KMT2D: variants seen among roughly 807,000 people sequenced by gnomAD.
The protein encoded by KMT2D is lysine methyltransferase 2D.
Under a neutral mutation model 512.7 loss-of-function variants are expected in KMT2D, and 55 were observed. The observed-to-expected ratio is 0.11, with a 90% CI of 0.09 to 0.13. KMT2D has a LOEUF of 0.13. Ranked by LOEUF, KMT2D falls within the 10% of genes least tolerant of loss-of-function variation. The pLI, the probability that KMT2D is intolerant of heterozygous loss-of-function variation, is 1.00. For synonymous variants in KMT2D, 2,995 were observed against 2,904.0 expected, an observed-to-expected ratio of 1.03 and a Z score of -1.01; for missense variants, 6,061 against 7,127.9, an observed-to-expected ratio of 0.85 and a Z score of 5.39.
rs1176158301 is a variant in KMT2D at position 49,031,806 on chromosome 12, G to A, written c.12899C>T (p.Pro4300Leu). The change falls in exon 40 of 55, where the codon CCA (proline) becomes CTA (leucine). Residue 4300 changes from proline (P) to leucine (L), a missense_variant. Transcript: ENST00000301067. ...PAPPGALSTG[P>L]VLGPVHPTPP... ...TGTGGGATGGACAGGGCCAAGGACT[G>A]GTCCTGTAGATAAGGCTCCTGGTGG... The A allele has an allele frequency of 6.3e-7, 1 of 1,585,322 alleles. No homozygotes were observed. The highest frequency in any genetic ancestry group is 8.6e-7 in the Non-Finnish European group (1 of 1,164,262).
chr12:49,055,443 TC>T, intron 1 of KMT2D, 82 bp from the exon 2 acceptor site: 1 of 760,446 alleles, frequency 1.3e-6, no homozygotes, highest in Non-Finnish European at 2.2e-6. Flanking sequence ...GAAGAAGGCA[TC>T]CAGACCCTCC....
In KMT2D at chr12:49,038,318, C is replaced by G. The variant is rs2120494301; in HGVS notation, c.9038G>C (p.Gly3013Ala). 1.2e-6 allele frequency: 2 copies of G among 1,613,868 alleles called. No homozygotes were observed. The highest frequency in any genetic ancestry group is 8.5e-7 in the Non-Finnish European group (1 of 1,179,894). The change falls in exon 35 of 55, where the codon GGT becomes GCT. Residue 3013 changes from glycine to alanine, a missense_variant. By Grantham distance (60) the Gly-to-Ala change is moderately conservative (BLOSUM62 0). Around this residue, in one of 16 missense-constraint regions of KMT2D, gnomAD observed 527 missense variants for 578.9 expected, o/e 0.91. Coordinates refer to ENST00000301067, the MANE Select transcript of KMT2D (RefSeq NM_003482.4). The surrounding 1 kb of genome is among the most constrained non-coding windows in gnomAD (Gnocchi z 5.7). Reference protein sequence around the residue: ...LEDDEELAHLGLGVDVAKGDD... With the variant: ...LEDDEELAHLALGVDVAKGDD... ...ACCCTTGGCCACATCCACACCCAGACCCAGGTGAGCAAGCTCTTCATCATC... is the reference window on the plus strand; with the variant it reads ...ACCCTTGGCCACATCCACACCCAGAGCCAGGTGAGCAAGCTCTTCATCATC...
Position 49,019,225 on chromosome 12 carries a change from T to A in KMT2D, c.*2555A>T. 4 of 957,514 alleles carry A rather than the reference T, an allele frequency of 4.2e-6. No homozygotes were observed. Among genetic ancestry groups the A allele is most frequent in the Non-Finnish European group, 5.1e-6 (4 of 779,830 alleles). 59.3% of individuals were successfully genotyped at this position (957,514 alleles called of 1,614,324 possible). Reference sequence around the variant, plus strand: ...AGGATACACACAACACAAAATAAAGTCTTCACGGGATTCACACTTGTCAGC... The same window carrying A: ...AGGATACACACAACACAAAATAAAGACTTCACGGGATTCACACTTGTCAGC... On this transcript the variant is annotated 3_prime_UTR_variant, in exon 55 of 55. Coordinates refer to ENST00000301067, the MANE Select transcript of KMT2D (RefSeq NM_003482.4).
At chr12:49,037,027 C>T (rs1943253639) in intron 35 of KMT2D, 98 bp downstream of exon 35, 3 of 1,447,996 alleles carry the variant, frequency 2.1e-6, no homozygotes, top group Non-Finnish European at 1.8e-6. Context: ...TGTGTCCCAT[C>T]TTAAGTAGGG....
In KMT2D at chr12:49,031,939, G is replaced by A. The variant is rs1475371856; in HGVS notation, c.12766C>T (p.Leu4256Phe). Residue 4256 changes from leucine (L) to phenylalanine (F), a missense_variant, in exon 40 of 55, where the codon CTC becomes TTC. This residue lies in a region of KMT2D where 1,600 missense variants were observed against 1,754.9 expected (regional missense o/e 0.91). Transcript: ENST00000301067. ...PGTQTSPLQG[L>F]LGCQPQLGGF... ...CCAAGTTGAGGTTGGCAGCCCAGGA[G>A]GCCCTGGAGGGGAGAGGTCTGGGTC... 1.9e-6 allele frequency: 3 copies of A among 1,542,938 alleles called. No individual in the cohort carries two copies. The highest frequency in any genetic ancestry group is 1.7e-6 in the Non-Finnish European group (2 of 1,145,298).
chr12:49,029,328 T>A, intron 44 of KMT2D, 73 bp downstream of exon 44: 2 of 1,581,058 alleles, frequency 1.3e-6, no homozygotes, highest in Non-Finnish European at 1.7e-6. Context: ...GAAATCTCCA[T>A]TGGCCAAAGG....
rs772606122 is a variant in KMT2D, at chr12:49,031,192, T to C, written c.13513A>G (p.Thr4505Ala). 1.2e-6 allele frequency: 2 copies of C among 1,608,920 alleles called. No individual in the cohort carries two copies. Among genetic ancestry groups the C allele is most frequent in the East Asian group, 2.2e-5 (1 of 44,790 alleles). ...GTACTCACCTCCTTGTTGCTGGGGG[T>C]ACCCTGTAGTTTCTGCTCCAGCCCA... Reference protein sequence around the residue: ...LAGLEQKLQGTPSNKEDAAAR... With the variant: ...LAGLEQKLQGAPSNKEDAAAR... The change falls in exon 40 of 55, where the codon ACC becomes GCC. Residue 4505 changes from threonine to alanine, a missense_variant. Transcript: ENST00000301067.
rs587778460 is a variant in KMT2D at position 49,042,791 on chromosome 12, G to T, written c.5732C>A (p.Thr1911Asn). Reference sequence around the variant, plus strand: ...CGTACGGCTGCCTTCTAGGCCAGGGGTTCCACAACCCAGATGCTGTTCTCG... The same window carrying T: ...CGTACGGCTGCCTTCTAGGCCAGGGTTTCCACAACCCAGATGCTGTTCTCG... ...SEREQHLGCG[T>N]PGLEGSRTPL... The change falls in exon 27 of 55, where the codon ACC (threonine) becomes AAC (asparagine). Residue 1911 changes from threonine (T) to asparagine (N), a missense_variant. Around this residue, in one of 16 missense-constraint regions of KMT2D, gnomAD observed 640 missense variants for 814.3 expected, o/e 0.79. Transcript: ENST00000301067. This position sits in a 1 kb window ranked among gnomAD's most constrained non-coding sequence, Gnocchi z 4.4. The T allele has an allele frequency of 1.9e-6, 3 of 1,613,982 alleles. No individual in the cohort carries two copies. The highest frequency in any genetic ancestry group is 2.5e-6 in the Non-Finnish European group (3 of 1,179,858).
rs1565769918 is a variant in KMT2D at position 49,030,754 on chromosome 12, C to A, written c.13686G>T (p.Leu4562=). The change falls in exon 42 of 55, where the codon CTG becomes CTT. Residue 4562 remains leucine, a synonymous_variant. Coordinates refer to ENST00000301067, the MANE Select transcript of KMT2D (RefSeq NM_003482.4). ...CGGTGATAGCAGGCTCCGTTAGGGG[C>A]AGCAGGGACAGCTCCTACAAGGGGC... The part of the protein sequence containing the change: ...LKQLKQELSL[L]PLTEPAITAN... 6.2e-7 allele frequency: 1 copy of A among 1,613,608 alleles called. No homozygotes were observed. Among genetic ancestry groups the A allele is most frequent in the East Asian group, 2.2e-5 (1 of 44,880 alleles).
Position 49,038,028 on chromosome 12 carries a change from G to A in KMT2D, c.9328C>T (p.Arg3110Cys), listed in dbSNP as rs773164595. Reference sequence around the variant, plus strand: ...ACCTCAGGGAGCACAGATGCCAGGCGGGGTTCAGAGGCATCAGCAGCAGGG... The same window carrying A: ...ACCTCAGGGAGCACAGATGCCAGGCAGGGTTCAGAGGCATCAGCAGCAGGG... The part of the protein sequence containing the change: ...PPPAADASEP[R>C]LASVLPEVKP... The change falls in exon 35 of 55, where the codon CGC becomes TGC. Residue 3110 changes from arginine (R) to cysteine (C), a missense_variant. By Grantham distance (180) the Arg-to-Cys change is radical. Around this residue, in one of 16 missense-constraint regions of KMT2D, gnomAD observed 533 missense variants for 539.6 expected, o/e 0.99. Transcript: ENST00000301067. The surrounding 1 kb of genome is among the most constrained non-coding windows in gnomAD (Gnocchi z 5.7). The A allele has an allele frequency of 2.4e-5, 38 of 1,609,538 alleles. No homozygotes were observed. The highest frequency in any genetic ancestry group is 4.4e-5 in the South Asian group (4 of 90,510).
Position 49,027,304 on chromosome 12 carries a change from G to A in KMT2D, c.14662C>T (p.Pro4888Ser), listed in dbSNP as rs1441472163. ...LLKQESPAPE[P>S]PTQHSYTYNV... ...TAGGTATAGCTGTGCTGAGTGGGTG[G>A]CTCTGGGGCGGGGCTCTCCTGTAGG... The change falls in exon 49 of 55, where the codon CCA (proline) becomes TCA (serine). Residue 4888 changes from proline to serine, a missense_variant. By Grantham distance (74) the Pro-to-Ser change is moderately conservative. Coordinates refer to ENST00000301067, the MANE Select transcript of KMT2D (RefSeq NM_003482.4). 6.5e-7 allele frequency: 1 copy of A among 1,529,188 alleles called. No homozygotes were observed. The highest frequency in any genetic ancestry group is 8.8e-7 in the Non-Finnish European group (1 of 1,141,608). The allele number at this position is 1,529,188 out of a possible 1,614,324, so 94.7% of individuals were successfully genotyped here.
Position 49,021,461 on chromosome 12 carries a change from A to G in KMT2D, c.*319T>C, listed in dbSNP as rs2137702371. On this transcript the variant is annotated 3_prime_UTR_variant, in exon 55 of 55. Coordinates refer to ENST00000301067, the MANE Select transcript of KMT2D (RefSeq NM_003482.4). ...CTCTTCCCCCACCCTGCTGCCTCCCAGATGCTTCTGGGTAGTTCCCGGCCC... is the reference window on the plus strand; with the variant it reads ...CTCTTCCCCCACCCTGCTGCCTCCCGGATGCTTCTGGGTAGTTCCCGGCCC... 2.6e-6 allele frequency: 1 copy of G among 387,490 alleles called. No homozygotes were observed. 24.0% of individuals were successfully genotyped at this position (387,490 alleles called of 1,614,324 possible). A position where few individuals can be genotyped will look rare whatever the true frequency, so the allele number is the denominator to read the frequency against.
chr12:49,044,545 T>C lies in KMT2D; in HGVS notation c.4964-23A>G. On this transcript the variant is annotated intron_variant, in intron 20 of 54. Coordinates refer to ENST00000301067, the MANE Select transcript of KMT2D (RefSeq NM_003482.4). The surrounding 1 kb of genome is among the most constrained non-coding windows in gnomAD (Gnocchi z 6.4). ...CACCTGCGTATGGTGACAGAAGAGA[T>C]GGAGGCAAATCAGAACTATAGGCCC... 9 of 1,612,414 alleles carry C rather than the reference T, an allele frequency of 5.6e-6. No homozygotes were observed. Among genetic ancestry groups the C allele is most frequent in the Non-Finnish European group, 7.6e-6 (9 of 1,179,176 alleles).
Position 49,041,862 on chromosome 12 carries a change from A to C in KMT2D, c.6183+55T>G. ...GAAAGAACTGAGGTAAATTACCCAA[A>C]GATCCCTCCCTCCCTCTCAGTTCCC... On this transcript the variant is annotated intron_variant, in intron 30 of 54. Transcript: ENST00000301067. This position sits in a 1 kb window ranked among gnomAD's most constrained non-coding sequence, Gnocchi z 5.4. 6.5e-7 allele frequency: 1 copy of C among 1,548,448 alleles called. No individual in the cohort carries two copies. The highest frequency in any genetic ancestry group is 8.8e-7 in the Non-Finnish European group (1 of 1,139,130).
chr12:49,027,619 TTTTG>T lies in KMT2D; in HGVS notation c.14643+180_14643+183del, dbSNP rs796258896. Among the ~76,000 whole-genome samples the T allele has an allele frequency of 3.3e-5, 5 of 151,782 alleles. No homozygotes were observed. In the South Asian group the frequency reaches 6.3e-4, roughly 19 times the overall value. On this transcript the variant is annotated intron_variant, in intron 48 of 54. Coordinates refer to ENST00000301067, the MANE Select transcript of KMT2D (RefSeq NM_003482.4). ...CACGCACCATCACGCCTGGCTACTG[TTTTG>T]TTTTTGTTTTTAGTAGAGACGGGGT... is the stretch of plus-strand genomic sequence containing the variant.
At chr12:49,030,161 T>C in intron 43 of KMT2D, 119 bp downstream of exon 43, 1 of 823,434 alleles carries the variant, frequency 1.2e-6, no homozygotes, top group South Asian at 1.9e-5. Flanking sequence ...TCAGGTGCCC[T>C]GTTATGTAAA....
Position 49,042,342 on chromosome 12 carries a change from G to A in KMT2D, c.5868-12C>T, listed in dbSNP as rs1943578652. 1 of 1,515,656 alleles carries A rather than the reference G, an allele frequency of 6.6e-7. No homozygotes were observed. Among genetic ancestry groups the A allele is most frequent in the Non-Finnish European group, 8.8e-7 (1 of 1,131,422 alleles). 93.9% of individuals were successfully genotyped at this position (1,515,656 alleles called of 1,614,324 possible). On this transcript the variant is annotated splice_polypyrimidine_tract_variant and intron_variant, in intron 28 of 54. Coordinates refer to ENST00000301067, the MANE Select transcript of KMT2D (RefSeq NM_003482.4). This position sits in a 1 kb window ranked among gnomAD's most constrained non-coding sequence, Gnocchi z 4.4. Reference sequence around the variant, plus strand: ...AGCCCCCGCGCTCCCTGGGGCGCAGGGGCAGAGAGTCACAGGGCGCAGGGA... The same window carrying A: ...AGCCCCCGCGCTCCCTGGGGCGCAGAGGCAGAGAGTCACAGGGCGCAGGGA...
At chr12:49,058,561 C>T (rs1938548460) in intron 1 of KMT2D, among the ~76,000 whole-genome samples, 1 of 152,144 alleles carries the variant, frequency 6.6e-6, no homozygotes, top group African/African-American at 2.4e-5. Flanking sequence ...GCTCAAGCTG[C>T]AGGCACATAC....
rs753608064 is a variant in KMT2D at position 49,054,961 on chromosome 12, C to T, written c.115G>A (p.Gly39Arg). The T allele has an allele frequency of 3.7e-6, 6 of 1,613,922 alleles. No homozygotes were observed. The highest frequency in any genetic ancestry group is 4.2e-6 in the Non-Finnish European group (5 of 1,179,904). The change falls in exon 3 of 55, where the codon GGA (glycine) becomes AGA (arginine). Residue 39 changes from glycine to arginine, a missense_variant. Around this residue, in one of 16 missense-constraint regions of KMT2D, gnomAD observed 144 missense variants for 165.7 expected, o/e 0.87. Transcript: ENST00000301067. This position sits in a 1 kb window ranked among gnomAD's most constrained non-coding sequence, Gnocchi z 6.4. ...CCAGAACTAAGGACAGAGACCTCTC[C>T]CACATGTGGGTTGGGCAGGTCTGAC... ...TESDLPNPHV[G>R]EVSVLSSGSP...
Sources: allele counts gnomAD v4.1 joint callset (sites outside exome capture counted in the v4.1 genomes callset), GRCh38; gene constraint gnomAD v4.1.1; regional missense constraint gnomAD v4.1.1; non-coding constraint Gnocchi (gnomAD v3.1); transcripts MANE v1.5; gene names NCBI Gene and HGNC (gene_info 2026-07-23, HGNC 2026-07-21).